PES1: variants seen among roughly 807,000 people sequenced by gnomAD.
PES1 encodes pescadillo ribosomal biogenesis factor 1, also known as pescadillo homolog.
In PES1, 31 loss-of-function variants were observed where a neutral mutation model predicts 77.1. The ratio of observed to expected loss-of-function variants is 0.40; its 90% CI spans 0.30 to 0.54. The LOEUF is 0.54. Among genes scored for constraint, PES1 ranks in the 20% least tolerant of loss-of-function variants. The probability of loss-of-function intolerance (pLI) is 0.45; values close to 1 mark genes in which losing one functional copy is unlikely to be tolerated. For synonymous variants in PES1, 282 were observed against 303.0 expected, an observed-to-expected ratio of 0.93 and a Z score of 0.72; for missense variants, 658 against 771.7, an observed-to-expected ratio of 0.85 and a Z score of 1.75.
chr22:30,598,450 TA>T (rs2087300137), intron 2 of PES1: 1 of 152,084 alleles, frequency 6.6e-6, no homozygotes, highest in East Asian at 1.9e-4. Flanking sequence ...AAAAAAAAAT[TA>T]TTTTTTCACT....
chr22:30,580,446 C>G (rs765841023), intron 10 of PES1, 125 bp downstream of exon 10: 1 of 1,351,362 alleles, frequency 7.4e-7, no homozygotes, highest in Non-Finnish European at 1.0e-6. Flanking sequence ...CGAGCACTTT[C>G]CACACACTGT....
At position 30,584,626 on chromosome 22, in the gene PES1, G is replaced by T. The variant is rs1349038492; in HGVS notation, c.460C>A (p.His154Asn). The stretch of plus-strand genomic sequence containing the variant: ...CGGCACAGCTGAATGGTCTGCACGT[G>T]GCACTTGCCAGTCCGCGGGAAGGTG... ...FSTFPRTGKC[H>N]VQTIQLCRRL... is the part of the protein sequence containing the mutation. The change falls in exon 5 of 15, where the codon CAC becomes AAC. Residue 154 changes from histidine (H) to asparagine (N), a missense_variant. Transcript: ENST00000354694. 1 of 1,613,826 alleles carries T rather than the reference G, an allele frequency of 6.2e-7. No homozygotes were observed. Among genetic ancestry groups the T allele is most frequent in the African/African-American group, 1.3e-5 (1 of 74,928 alleles).
chr22:30,581,331 C>T lies in PES1; in HGVS notation c.822+3G>A, dbSNP rs768991461. 1.3e-5 allele frequency: 21 copies of T among 1,612,370 alleles called. No homozygotes were observed. Among genetic ancestry groups the T allele is most frequent in the Admixed American group, 3.3e-5 (2 of 60,004 alleles). ...GCCGGATGATGCTCCTGGAGCCTCT[C>T]ACCTCCATACAACTCTCGGAGTCCA... is the stretch of plus-strand genomic sequence containing the variant. On this transcript the variant is annotated splice_donor_region_variant and intron_variant, in intron 8 of 14. Coordinates refer to ENST00000354694, the MANE Select transcript of PES1 (RefSeq NM_014303.4).
intron 6 of PES1, among the ~76,000 whole-genome samples, chr22:30,583,975 A>G (rs2146466935): frequency 6.6e-6 from 1 of 152,374 alleles, no homozygotes; most frequent in South Asian, 2.1e-4. Context: ...GTTCGAGGGC[A>G]GGGCTCTGCC....
chr22:30,595,090 T>G (rs2087235302), upstream of PES1, among the ~76,000 whole-genome samples: 1 of 152,154 alleles, frequency 6.6e-6, no homozygotes. Context: ...GAGAGTGAGA[T>G]TCTAAAGTCA....
intron 6 of PES1, among the ~76,000 whole-genome samples, chr22:30,583,229 G>T (rs2087013969): frequency 6.6e-6 from 1 of 152,194 alleles, no homozygotes; most frequent in Admixed American, 6.5e-5. Flanking sequence ...GCCCCAGGGG[G>T]AGAGGGAACA....
chr22:30,582,329 C>T (rs1276653706), intron 6 of PES1, among the ~76,000 whole-genome samples: 1 of 152,214 alleles, frequency 6.6e-6, no homozygotes, highest in African/African-American at 2.4e-5. Context: ...GAGGCATGAC[C>T]CGAGGGGCCA....
intron 2 of PES1, among the ~76,000 whole-genome samples, chr22:30,602,988 G>C (rs897888961): frequency 2.0e-5 from 3 of 152,084 alleles, no homozygotes; most frequent in Non-Finnish European, 4.4e-5. Flanking sequence ...TTGGCTCACT[G>C]CAACCTCTAC....
At chr22:30,584,516 G>C (rs5997691) in intron 5 of PES1, 30 bp downstream of exon 5, 131,495 of 1,608,200 alleles carry the variant, frequency 0.082, 5,825 homozygotes, top group African/African-American at 0.1. Flanking sequence ...GGGGCAGGGT[G>C]GGATGCCAGC....
Position 30,579,146 on chromosome 22 carries a change from C to T in PES1, c.1512G>A (p.Met504Ile), listed in dbSNP as rs747044270. The stretch of plus-strand genomic sequence containing the variant: ...TTGCAGCTCCCCCTACCTTCCCCTC[C>T]ATCCTCTGCTCTTCCAGGGCTGCCA... ...ARLAALEEQR[M>I]EGKKPRVMAG... The change falls in exon 13 of 15, where the codon ATG (methionine) becomes ATA (isoleucine). Residue 504 changes from methionine (M) to isoleucine (I), a missense_variant. Coordinates refer to ENST00000354694, the MANE Select transcript of PES1 (RefSeq NM_014303.4). The T allele has an allele frequency of 6.2e-7, 1 of 1,608,988 alleles. No individual in the cohort carries two copies. The highest frequency in any genetic ancestry group is 1.1e-5 in the South Asian group (1 of 91,032).
intron 6 of PES1, 194 bp downstream of exon 6, chr22:30,584,171 T>A: frequency 1.7e-6 from 1 of 603,054 alleles, no homozygotes. Context: ...TGGCAGGTGC[T>A]GCCATAGGGC....
intron 2 of PES1, 83 bp downstream of exon 2, chr22:30,589,108 G>A: frequency 2.0e-6 from 2 of 984,156 alleles, no homozygotes; most frequent in South Asian, 1.4e-5. Context: ...AATGGGTATG[G>A]CAACTCAGGT....
intron 4 of PES1, chr22:30,587,007 A>G (rs2087101187): frequency 2.5e-6 from 1 of 401,968 alleles, no homozygotes; most frequent in Admixed American, 4.2e-5. Context: ...GGGCTCTCCC[A>G]CCATGGGGCC....
At chr22:30,603,058 C>T (rs1221027006) in intron 2 of PES1, among the ~76,000 whole-genome samples, 1 of 151,590 alleles carries the variant, frequency 6.6e-6, no homozygotes, top group Non-Finnish European at 1.5e-5. Flanking sequence ...CTACAGGAGC[C>T]CACCACCAGG....
chr22:30,604,944 A>C (rs2087414747), intron 2 of PES1, among the ~76,000 whole-genome samples: 1 of 152,116 alleles, frequency 6.6e-6, no homozygotes, highest in Admixed American at 6.6e-5. Flanking sequence ...TTCCCTGACC[A>C]CATGACCTGA....
At position 30,597,877 on chromosome 22, in the gene PES1, GT is replaced by G. The variant is rs869064352; in HGVS notation, c.-660-5480del. Among the ~76,000 whole-genome samples the G allele has an allele frequency of 1.0e-3, 93 of 90,600 alleles. 1 individual carries two copies. Among genetic ancestry groups the G allele is most frequent in the African/African-American group, 3.8e-3 (87 of 23,138 alleles). The allele number at this position is 90,600 out of a possible 152,430, so 59.4% of individuals were successfully genotyped here. ...TCGGTTTTTTTTCCACGCAGTTGAA[GT>G]TTTGTTTTTTTTTTTTTTGTTTTGA... On this transcript the variant is annotated intron_variant, in intron 2 of 16. Transcript: ENST00000402281.
chr22:30,597,876 A>ATTTTTTTTTTTT (rs1210779167), intron 2 of PES1, among the ~76,000 whole-genome samples: 34 of 125,150 alleles, frequency 2.7e-4, no homozygotes, highest in African/African-American at 8.9e-4. Flanking sequence ...ACGCAGTTGA[A>ATTTTTTTTTTTT]GTTTTGTTTT....
chr22:30,583,401 G>C lies in PES1; in HGVS notation c.630+964C>G, dbSNP rs11912537. Among the ~76,000 whole-genome samples the C allele has an allele frequency of 2.3e-3, 357 of 152,360 alleles. 1 individual carries two copies. Among genetic ancestry groups the C allele is most frequent in the African/African-American group, 8.3e-3 (346 of 41,590 alleles). ...AGTCCCAGCTCCCCCTGGAGCCCCT[G>C]ATAATCTGGGCAGCAGAGCCACTGT... On this transcript the variant is annotated intron_variant, in intron 6 of 14. Transcript: ENST00000354694.
chr22:30,579,880 G>A lies in PES1; in HGVS notation c.1225C>T (p.Pro409Ser), dbSNP rs2086956433. The A allele has an allele frequency of 1.9e-6, 3 of 1,614,154 alleles. No homozygotes were observed. The highest frequency in any genetic ancestry group is 1.3e-5 in the African/African-American group (1 of 75,062). The change falls in exon 12 of 15, where the codon CCC becomes TCC. Residue 409 changes from proline to serine, a missense_variant. By Grantham distance (74) the Pro-to-Ser change is moderately conservative (BLOSUM62 -1). Coordinates refer to ENST00000354694, the MANE Select transcript of PES1 (RefSeq NM_014303.4). ...ACCCCAGAGAAGTACTCTGCCACGG[G>A]GAGAAGGAGCCTGGCGTTCACTGAG... ...FDSVNARLLL[P>S]VAEYFSGVQL...
Sources: allele counts gnomAD v4.1 joint callset (sites outside exome capture counted in the v4.1 genomes callset), GRCh38; gene constraint gnomAD v4.1.1; transcripts MANE v1.5; gene names NCBI Gene and HGNC (gene_info 2026-07-23, HGNC 2026-07-21).